Variants in SNTG2 observed in about 807,000 individuals in gnomAD.
SNTG2 encodes gamma-2-syntrophin.
In SNTG2, 74 loss-of-function variants were observed where a neutral mutation model predicts 70.9. That is an observed-to-expected ratio of 1.04 (90% CI 0.86 to 1.27). The LOEUF is 1.27. Ranked by LOEUF, SNTG2 falls within the 50% of genes most tolerant of loss-of-function variation. The probability of loss-of-function intolerance (pLI) is 0.00; values close to 1 mark genes in which losing one functional copy is unlikely to be tolerated. For synonymous variants in SNTG2, 278 were observed against 273.8 expected (o/e 1.02, Z -0.15); for missense variants, 717 against 690.7 (o/e 1.04, Z -0.43).
At chr2:1,321,414 G>A (rs530795207) in intron 16 of SNTG2, among the ~76,000 whole-genome samples, 19 of 152,106 alleles carry the variant, frequency 1.2e-4, no homozygotes, top group African/African-American at 3.9e-4. Flanking sequence ...TGAGTCAGCC[G>A]AGTGTGCCAG....
At chr2:1,257,412 C>CTG (rs1174676117) in intron 12 of SNTG2, among the ~76,000 whole-genome samples, 2 of 152,108 alleles carry the variant, frequency 1.3e-5, no homozygotes, top group African/African-American at 4.8e-5. Context: ...GACACGGCCA[C>CTG]TGGCAGGAGG....
At chr2:959,836 G>A (rs1246881164) in intron 1 of SNTG2, among the ~76,000 whole-genome samples, 3 of 151,568 alleles carry the variant, frequency 2.0e-5, no homozygotes, top group African/African-American at 7.3e-5. Flanking sequence ...ATGAATAGTG[G>A]CATGGTATCC....
intron 8 of SNTG2, among the ~76,000 whole-genome samples, chr2:1,203,659 C>CA (rs202037307): frequency 0.03 from 2,467 of 82,062 alleles, 60 homozygotes; most frequent in African/African-American, 0.1. Context: ...GTCTCAAAAA[C>CA]AAACAAAAAA....
chr2:1,192,858 A>C (rs989147287), intron 8 of SNTG2, among the ~76,000 whole-genome samples: 1 of 152,194 alleles, frequency 6.6e-6, no homozygotes, highest in East Asian at 1.9e-4. Context: ...TCACTGTCAG[A>C]TTTATGGCAG....
intron 16 of SNTG2, among the ~76,000 whole-genome samples, chr2:1,354,917 T>A (rs935772241): frequency 2.0e-5 from 3 of 152,160 alleles, no homozygotes; most frequent in Admixed American, 1.3e-4. Context: ...GGCAACGGGG[T>A]CTAAGAGCCG....
intron 1 of SNTG2, among the ~76,000 whole-genome samples, chr2:952,908 T>A (rs1190265837): frequency 1.3e-5 from 2 of 152,232 alleles, no homozygotes; most frequent in Non-Finnish European, 2.9e-5. Flanking sequence ...ATGGCAGAAT[T>A]ATTTTCTTAC....
intron 4 of SNTG2, among the ~76,000 whole-genome samples, chr2:1,121,346 A>G (rs556843739): frequency 6.6e-6 from 1 of 152,316 alleles, no homozygotes; most frequent in East Asian, 1.9e-4. Flanking sequence ...GAAATGAGAT[A>G]AAGAACAACA....
intron 1 of SNTG2, among the ~76,000 whole-genome samples, chr2:1,012,483 C>A (rs1572219868): frequency 6.6e-6 from 1 of 152,228 alleles, no homozygotes; most frequent in Non-Finnish European, 1.5e-5. Context: ...GCGGCAGCGA[C>A]TTGGGGGGTC....
intron 7 of SNTG2, among the ~76,000 whole-genome samples, chr2:1,170,866 G>A (rs1014471640): frequency 3.9e-5 from 6 of 151,956 alleles, no homozygotes; most frequent in African/African-American, 1.5e-4. Flanking sequence ...AGTGGATGCC[G>A]ACTACTGGAA....
intron 2 of SNTG2, among the ~76,000 whole-genome samples, chr2:1,089,029 C>T (rs1021866657): frequency 3.9e-5 from 6 of 152,162 alleles, no homozygotes; most frequent in Non-Finnish European, 7.4e-5. Context: ...TTCACAGGTA[C>T]GGGGCTGAAG....
rs4132574 is a variant in SNTG2, at chr2:1,165,169, C to T, written c.412-379C>T. On this transcript the variant is annotated intron_variant, in intron 6 of 16. Coordinates refer to ENST00000308624, the MANE Select transcript of SNTG2 (RefSeq NM_018968.4). The stretch of plus-strand genomic sequence containing the variant: ...TTAGTATTTGTGGTTTGTTTTGCCA[C>T]AGTTAATCCATGTTTTGCCAGTGAC... Among the ~76,000 whole-genome samples the T allele has an allele frequency of 6.3e-3, 962 of 152,318 alleles. 16 individuals carry two copies. Among genetic ancestry groups the T allele is most frequent in the African/African-American group, 0.022 (918 of 41,566 alleles).
At chr2:1,324,188 C>A (rs576385418) in intron 16 of SNTG2, among the ~76,000 whole-genome samples, 1 of 152,202 alleles carries the variant, frequency 6.6e-6, no homozygotes, top group African/African-American at 2.4e-5. Flanking sequence ...ATGGCGGAGA[C>A]TCCCCAGTAT....
intron 16 of SNTG2, among the ~76,000 whole-genome samples, chr2:1,337,730 T>G (rs1200130636): frequency 6.6e-6 from 1 of 152,186 alleles, no homozygotes; most frequent in Non-Finnish European, 1.5e-5. Flanking sequence ...TTATCTATGC[T>G]TTCTTTGATT....
chr2:1,037,436 G>A (rs35653375), intron 1 of SNTG2, among the ~76,000 whole-genome samples: 16,209 of 152,206 alleles, frequency 0.11, 1,203 homozygotes, highest in Non-Finnish European at 0.16. Flanking sequence ...GAGTTGTGCA[G>A]CCTTTGGCAC....
chr2:1,155,141 GAC>G (rs1431823121), intron 6 of SNTG2, among the ~76,000 whole-genome samples: 10 of 112,362 alleles, frequency 8.9e-5, no homozygotes, highest in Non-Finnish European at 1.3e-4. Context: ...CAAACACACA[GAC>G]ACACTCCATA....
chr2:975,305 AAC>A (rs1660874736), intron 1 of SNTG2, among the ~76,000 whole-genome samples: 1 of 152,092 alleles, frequency 6.6e-6, no homozygotes, highest in Admixed American at 6.6e-5. Context: ...CCTGTGAGCA[AAC>A]ACTATACATT....
intron 1 of SNTG2, among the ~76,000 whole-genome samples, chr2:1,062,973 C>T (rs970017094): frequency 2.6e-5 from 4 of 152,020 alleles, no homozygotes; most frequent in Non-Finnish European, 5.9e-5. Context: ...AAAAGATCTA[C>T]CACATTGTAC....
intron 9 of SNTG2, among the ~76,000 whole-genome samples, chr2:1,217,323 T>C (rs1558542672): frequency 6.6e-6 from 1 of 152,222 alleles, no homozygotes; most frequent in Admixed American, 6.5e-5. Flanking sequence ...ACTCAAGTGG[T>C]TCTTTGGTAA....
At chr2:1,261,387 A>T (rs1285554400) in intron 13 of SNTG2, among the ~76,000 whole-genome samples, 2 of 152,238 alleles carry the variant, frequency 1.3e-5, no homozygotes, top group African/African-American at 4.8e-5. Flanking sequence ...ACACTCATTA[A>T]TATTTAGACC....
Sources: gnomAD v4.1 joint callset for allele counts (sites outside exome capture counted in the v4.1 genomes callset) on GRCh38, gnomAD v4.1.1 for gene constraint, MANE v1.5 for transcripts, NCBI Gene and HGNC (gene_info 2026-07-23, HGNC 2026-07-21) for gene names.